The following MTUS2 variants were observed in gnomAD, a reference collection of about 807,000 sequenced individuals.
MTUS2 encodes microtubule-associated tumor suppressor candidate 2.
MTUS2 carries 40 observed loss-of-function variants against 114.1 expected under a neutral mutation model. That is an observed-to-expected ratio of 0.35 (90% confidence interval 0.27 to 0.46). The LOEUF is 0.46. Among genes scored for constraint, MTUS2 ranks in the 20% least tolerant of loss-of-function variants. MTUS2 has a pLI of 1.00. For missense variants in MTUS2, 1,679 were observed against 1,705.4 expected (o/e 0.98, Z 0.27); for synonymous variants, 688 against 672.0 (o/e 1.02, Z -0.37).
At chr13:28,842,830 T>C in intron 2 of MTUS2, among the ~76,000 whole-genome samples, 1 of 152,212 alleles carries the variant, frequency 6.6e-6, no homozygotes, top group East Asian at 1.9e-4. Flanking sequence ...CCTGTGCAGA[T>C]GCTAGTAGCA....
rs558426909 is a variant in MTUS2, at chr13:29,356,965, G to T, written c.2906-2297G>T. On this transcript the variant is annotated intron_variant, in intron 7 of 15. Coordinates refer to ENST00000612955, the MANE Select transcript of MTUS2 (RefSeq NM_001033602.4). ...CCCAAAAGTGGGTGTTGTCAGAGGAGCCTCTGTCTTAGCTCAGAATGCGGG... is the reference window on the plus strand; with the variant it reads ...CCCAAAAGTGGGTGTTGTCAGAGGATCCTCTGTCTTAGCTCAGAATGCGGG... 8.8e-4 allele frequency among the ~76,000 whole-genome samples: 134 copies of T among 152,260 alleles called. 1 individual carries two copies. The highest frequency in any genetic ancestry group is 1.3e-4 in the Non-Finnish European group (9 of 68,028).
intron 4 of MTUS2, among the ~76,000 whole-genome samples, chr13:29,068,541 G>T (rs1888766864): frequency 6.6e-6 from 1 of 152,198 alleles, no homozygotes; most frequent in African/African-American, 2.4e-5. Flanking sequence ...CCATAAACCA[G>T]ATAGAAGAGG....
chr13:29,292,788 G>A (rs920883783), intron 6 of MTUS2, among the ~76,000 whole-genome samples: 3 of 151,984 alleles, frequency 2.0e-5, no homozygotes, highest in Admixed American at 2.0e-4. Context: ...GGATTATAGA[G>A]ATAAAAATCT....
intron 6 of MTUS2, among the ~76,000 whole-genome samples, chr13:29,292,588 C>T (rs1377417785): frequency 6.6e-6 from 1 of 152,068 alleles, no homozygotes; most frequent in Non-Finnish European, 1.5e-5. Flanking sequence ...TCTAGCAGAT[C>T]AGGAGTTCAC....
At chr13:29,168,625 A>C (rs1459891032) in intron 5 of MTUS2, among the ~76,000 whole-genome samples, 1 of 152,162 alleles carries the variant, frequency 6.6e-6, no homozygotes, top group Non-Finnish European at 1.5e-5. Context: ...ACAAACAAGG[A>C]GGCCCTCATT....
Position 28,947,115 on chromosome 13 carries a change from T to C in MTUS2, c.-242-77342T>C, listed in dbSNP as rs559678491. ...TTATTGTGGTTGAGTTCACTCTCCT[T>C]ACTGTGGCTTACATAAGATTTTATA... On this transcript the variant is annotated intron_variant, in intron 2 of 15. Coordinates refer to ENST00000612955, the MANE Select transcript of MTUS2 (RefSeq NM_001033602.4). Among the ~76,000 whole-genome samples the C allele has an allele frequency of 2.0e-3, 305 of 152,350 alleles. 1 individual carries two copies. Among genetic ancestry groups the C allele is most frequent in the African/African-American group, 7.2e-3 (299 of 41,590 alleles).
chr13:28,833,138 G>A (rs1874821527), intron 1 of MTUS2, among the ~76,000 whole-genome samples: 1 of 152,084 alleles, frequency 6.6e-6, no homozygotes, highest in Admixed American at 6.5e-5. Flanking sequence ...TCTACCAAAT[G>A]TTTATTTAAA....
At chr13:29,136,743 A>AT (rs762185192) in intron 5 of MTUS2, among the ~76,000 whole-genome samples, 18 of 152,078 alleles carry the variant, frequency 1.2e-4, no homozygotes, top group Non-Finnish European at 2.1e-4. Context: ...ATTCATATGT[A>AT]TTTTTTGTAC....
intron 5 of MTUS2, among the ~76,000 whole-genome samples, chr13:29,259,395 T>C (rs185381498): frequency 6.6e-5 from 10 of 152,154 alleles, no homozygotes; most frequent in Admixed American, 6.5e-4. Context: ...CTGAGCAATA[T>C]CAGAGTCATA....
intron 2 of MTUS2, among the ~76,000 whole-genome samples, chr13:28,954,346 A>T (rs951883527): frequency 6.6e-6 from 1 of 152,240 alleles, no homozygotes; most frequent in Non-Finnish European, 1.5e-5. Context: ...GGAATATCCC[A>T]GTGGGTCACT....
At chr13:29,029,786 G>T (rs537561829) in intron 3 of MTUS2, among the ~76,000 whole-genome samples, 1 of 152,220 alleles carries the variant, frequency 6.6e-6, no homozygotes, top group Admixed American at 6.5e-5. Flanking sequence ...TGGAGGAGGT[G>T]CCAGGCCTCT....
chr13:28,823,418 A>G (rs1347349597), intron 1 of MTUS2, among the ~76,000 whole-genome samples: 2 of 152,166 alleles, frequency 1.3e-5, no homozygotes, highest in African/African-American at 4.8e-5. Flanking sequence ...TTTTCTCTGA[A>G]ATGATTTCTA....
chr13:28,980,034 T>G (rs1566267060), intron 2 of MTUS2, among the ~76,000 whole-genome samples: 2 of 152,192 alleles, frequency 1.3e-5, no homozygotes, highest in African/African-American at 4.8e-5. Flanking sequence ...GAAGGAACTT[T>G]CTTATGCTTA....
intron 5 of MTUS2, chr13:29,240,013 T>G (rs1896676468): frequency 6.6e-6 from 1 of 152,070 alleles, no homozygotes; most frequent in Admixed American, 6.5e-5. Flanking sequence ...AGAAAAATAC[T>G]TCTTTGTGCA....
chr13:29,470,580 A>G (rs1880212396), intron 9 of MTUS2, among the ~76,000 whole-genome samples: 1 of 152,082 alleles, frequency 6.6e-6, no homozygotes. Context: ...CTTGCCTCCT[A>G]CAGTCTGTTC....
chr13:29,070,189 C>G (rs1565991728), intron 4 of MTUS2, among the ~76,000 whole-genome samples: 1 of 152,156 alleles, frequency 6.6e-6, no homozygotes, highest in African/African-American at 2.4e-5. Flanking sequence ...GTGCCTGCCT[C>G]TGAAATTTTC....
At chr13:29,314,872 T>C (rs1899922113) in intron 6 of MTUS2, among the ~76,000 whole-genome samples, 1 of 152,244 alleles carries the variant, frequency 6.6e-6, no homozygotes, top group Admixed American at 6.5e-5. Flanking sequence ...GTATCTGGAC[T>C]CTTGTGTTTA....
intron 5 of MTUS2, among the ~76,000 whole-genome samples, chr13:29,111,790 A>G (rs1442801363): frequency 6.6e-6 from 1 of 152,170 alleles, no homozygotes; most frequent in African/African-American, 2.4e-5. Context: ...TGCAAGGAGA[A>G]ATAAAATAAT....
At chr13:28,906,882 G>T (rs1162912821) in intron 2 of MTUS2, among the ~76,000 whole-genome samples, 1 of 151,426 alleles carries the variant, frequency 6.6e-6, no homozygotes, top group Non-Finnish European at 1.5e-5. Flanking sequence ...CCAACATTCA[G>T]ATTCAGGAAA....
Sources: allele counts gnomAD v4.1 joint callset (sites outside exome capture counted in the v4.1 genomes callset), GRCh38; gene constraint gnomAD v4.1.1; transcripts MANE v1.5; gene names NCBI Gene and HGNC (gene_info 2026-07-23, HGNC 2026-07-21).